Variants in NGFR observed in about 807,000 individuals in gnomAD.
NGFR encodes nerve growth factor receptor, also known as tumor necrosis factor receptor superfamily member 16.
In NGFR, 30 loss-of-function variants were observed where a neutral mutation model predicts 43.2. The ratio of observed to expected loss-of-function variants is 0.69; its 90% confidence interval spans 0.52 to 0.94. NGFR has a LOEUF of 0.94. Among genes scored for constraint, NGFR ranks in the 40% least tolerant of loss-of-function variants. NGFR has a pLI of 0.00. For synonymous variants in NGFR, 246 were observed against 259.6 expected (o/e 0.95, Z 0.50); for missense variants, 529 against 602.5 (o/e 0.88, Z 1.28).
At position 49,514,701 on chromosome 17, in the gene NGFR, C is replaced by A. The variant is rs1486314260; in HGVS notation, c.*1692C>A. 6.6e-6 allele frequency: 1 copy of A among 152,252 alleles called. No individual in the cohort carries two copies. The allele number at this position is 152,252 out of a possible 1,614,324, so 9.4% of individuals were successfully genotyped here. A position where few individuals can be genotyped will look rare whatever the true frequency, so the allele number is the denominator to read the frequency against. On this transcript the variant is annotated 3_prime_UTR_variant, in exon 6 of 6. Transcript: ENST00000172229. The stretch of plus-strand genomic sequence containing the variant: ...GGGGAGGAAACTCACCTGCTGGCCC[C>A]TCACCTGGGCACCTGGGGAGTGGGA...
At chr17:49,500,316 T>G (rs1432437253) in intron 1 of NGFR, among the ~76,000 whole-genome samples, 1 of 152,206 alleles carries the variant, frequency 6.6e-6, no homozygotes, top group Non-Finnish European at 1.5e-5. Flanking sequence ...CCCAGAGTTC[T>G]GGTTAATTGA....
At chr17:49,509,220 A>AT (rs11466151) in intron 3 of NGFR, among the ~76,000 whole-genome samples, 20,543 of 152,168 alleles carry the variant, frequency 0.14, 1,529 homozygotes, top group South Asian at 0.21. Flanking sequence ...CCTTTGAAGC[A>AT]TTTCATCTTG....
At position 49,495,342 on chromosome 17, in the gene NGFR, G is replaced by A; in HGVS notation, c.-76G>A. ...TCCGGCGGGCAGGGGGGGCGCTGGA[G>A]CGCAGCGCAGCGCAGCCCCATCAGT... On this transcript the variant is annotated 5_prime_UTR_variant, in exon 1 of 6. Coordinates refer to ENST00000172229, the MANE Select transcript of NGFR (RefSeq NM_002507.4). This position sits in a 1 kb window ranked among gnomAD's most constrained non-coding sequence, Gnocchi z 6.4. 2.8e-6 allele frequency: 3 copies of A among 1,089,846 alleles called. No homozygotes were observed. Among genetic ancestry groups the A allele is most frequent in the East Asian group, 5.3e-5 (1 of 18,856 alleles). 67.5% of individuals were successfully genotyped at this position (1,089,846 alleles called of 1,614,324 possible).
intron 2 of NGFR, chr17:49,506,050 C>T (rs979785449): frequency 9.6e-6 from 6 of 625,276 alleles, no homozygotes; most frequent in Non-Finnish European, 1.5e-5. Context: ...GCCGGAAAGC[C>T]TCCCGGCCGG....
chr17:49,506,373 A>T lies in NGFR; in HGVS notation c.283A>T (p.Met95Leu), dbSNP rs752683586. 1 of 1,599,368 alleles carries T rather than the reference A, an allele frequency of 6.3e-7. No individual in the cohort carries two copies. Among genetic ancestry groups the T allele is most frequent in the Non-Finnish European group, 8.5e-7 (1 of 1,175,998 alleles). ...PCTECVGLQS[M>L]SAPCVEADDA... ...CACCGAGTGCGTGGGGCTCCAGAGCATGTCGGCGCCGTGCGTGGAGGCCGA... is the reference window on the plus strand; with the variant it reads ...CACCGAGTGCGTGGGGCTCCAGAGCTTGTCGGCGCCGTGCGTGGAGGCCGA... The change falls in exon 3 of 6, where the codon ATG becomes TTG. Residue 95 changes from methionine (M) to leucine (L), a missense_variant. Transcript: ENST00000172229.
intron 3 of NGFR, among the ~76,000 whole-genome samples, chr17:49,507,104 A>G (rs1485647554): frequency 6.6e-6 from 1 of 152,156 alleles, no homozygotes; most frequent in East Asian, 1.9e-4. Context: ...GAGGACCCTC[A>G]GGAGCTGGGA....
Position 49,512,160 on chromosome 17 carries a change from C to T in NGFR, c.982+108C>T. On this transcript the variant is annotated intron_variant, in intron 5 of 5. Coordinates refer to ENST00000172229, the MANE Select transcript of NGFR (RefSeq NM_002507.4). The surrounding 1 kb of genome is among the most constrained non-coding windows in gnomAD (Gnocchi z 5.2). ...TGTCGGGGGGGCGGCAGGGCTGGCT[C>T]AGCGGTGCCCCTGTAGATGGATGGA... 7.3e-7 allele frequency: 1 copy of T among 1,363,876 alleles called. No individual in the cohort carries two copies. Among genetic ancestry groups the T allele is most frequent in the Non-Finnish European group, 9.9e-7 (1 of 1,013,524 alleles). 84.5% of individuals were successfully genotyped at this position (1,363,876 alleles called of 1,614,324 possible). A position where few individuals can be genotyped will look rare whatever the true frequency, so the allele number is the denominator to read the frequency against.
rs775307221 is a variant in NGFR, at chr17:49,512,742, G to A, written c.1017G>A (p.Leu339=). The A allele has an allele frequency of 1.6e-5, 26 of 1,611,640 alleles. No individual in the cohort carries two copies. In the South Asian group the frequency reaches 2.9e-4, roughly 18 times the overall value. Residue 339 remains leucine, a synonymous_variant, in exon 6 of 6, where the codon CTG becomes CTA. Transcript: ENST00000172229. The surrounding 1 kb of genome is among the most constrained non-coding windows in gnomAD (Gnocchi z 5.2). ...GTGACGGAGGCCTCTACAGCAGCCTGCCCCCAGCCAAGCGGGAGGAGGTGG... is the reference window on the plus strand; with the variant it reads ...GTGACGGAGGCCTCTACAGCAGCCTACCCCCAGCCAAGCGGGAGGAGGTGG... ...LKGDGGLYSS[L]PPAKREEVEK...
rs148524226 is a variant in NGFR at position 49,511,932 on chromosome 17, C to T, written c.862C>T (p.Arg288Trp). The T allele has an allele frequency of 4.3e-5, 70 of 1,612,400 alleles. No homozygotes were observed. Among genetic ancestry groups the T allele is most frequent in the Non-Finnish European group, 5.3e-5 (63 of 1,179,354 alleles). The change falls in exon 5 of 6, where the codon CGG becomes TGG. Residue 288 changes from arginine (R) to tryptophan (W), a missense_variant. Coordinates refer to ENST00000172229, the MANE Select transcript of NGFR (RefSeq NM_002507.4). ...GCAGAACAAGCAAGGAGCCAACAGC[C>T]GGCCAGTGAACCAGACGCCCCCACC... The part of the protein sequence containing the change: ...CKQNKQGANS[R>W]PVNQTPPPEG...
chr17:49,501,081 A>T (rs2071164619), intron 1 of NGFR, among the ~76,000 whole-genome samples: 4 of 152,206 alleles, frequency 2.6e-5, no homozygotes, highest in South Asian at 2.1e-4. Context: ...AGTTTTTTTT[A>T]AAGGAACAGA....
intron 1 of NGFR, 45 bp from the exon 2 acceptor site, chr17:49,502,018 C>CCCCCCCCCCAAA: frequency 7.6e-7 from 1 of 1,320,362 alleles, no homozygotes; most frequent in Non-Finnish European, 1.0e-6. Flanking sequence ...CAACCCACCC[C>CCCCCCCCCCAAA]AGCTTTCTCT....
Position 49,506,351 on chromosome 17 carries a change from C to A in NGFR, c.261C>A (p.Thr87=). 1 of 1,592,668 alleles carries A rather than the reference C, an allele frequency of 6.3e-7. No homozygotes were observed. The highest frequency in any genetic ancestry group is 8.5e-7 in the Non-Finnish European group (1 of 1,171,882). Residue 87 remains threonine (T), a synonymous_variant, in exon 3 of 6, where the codon ACC becomes ACA. Transcript: ENST00000172229. ...CGACCGAGCCGTGCAAGCCGTGCAC[C>A]GAGTGCGTGGGGCTCCAGAGCATGT... The part of the protein sequence containing the change: ...VSATEPCKPC[T]ECVGLQSMSA...
At chr17:49,505,414 C>T (rs1169077407) in intron 2 of NGFR, among the ~76,000 whole-genome samples, 1 of 152,218 alleles carries the variant, frequency 6.6e-6, no homozygotes, top group Non-Finnish European at 1.5e-5. Context: ...GGCCCTGTTC[C>T]TTCCCCTCCC....
At chr17:49,499,362 G>C (rs1478581796) in intron 1 of NGFR, among the ~76,000 whole-genome samples, 1 of 152,126 alleles carries the variant, frequency 6.6e-6, no homozygotes, top group Non-Finnish European at 1.5e-5. Context: ...CTGGAGGACA[G>C]AAAAGAGGGG....
At chr17:49,501,961 A>G in intron 1 of NGFR, 102 bp from the exon 2 acceptor site, 1 of 1,233,350 alleles carries the variant, frequency 8.1e-7, no homozygotes, top group Non-Finnish European at 1.1e-6. Flanking sequence ...TGGTTCTAAT[A>G]GAAGGCAGTG....
chr17:49,506,684 G>T, intron 3 of NGFR, 26 bp downstream of exon 3: 2 of 1,133,714 alleles, frequency 1.8e-6, no homozygotes, highest in South Asian at 1.9e-5. Flanking sequence ...GGGGCGGGGG[G>T]AGTGGGGGTG....
At position 49,512,731 on chromosome 17, in the gene NGFR, T is replaced by C. The variant is rs2143450250; in HGVS notation, c.1006T>C (p.Tyr336His). 6.2e-7 allele frequency: 1 copy of C among 1,609,634 alleles called. No homozygotes were observed. Among genetic ancestry groups the C allele is most frequent in the East Asian group, 2.2e-5 (1 of 44,852 alleles). Residue 336 changes from tyrosine (Y) to histidine (H), a missense_variant, in exon 6 of 6, where the codon TAC (tyrosine) becomes CAC (histidine). Transcript: ENST00000172229. The surrounding 1 kb of genome is among the most constrained non-coding windows in gnomAD (Gnocchi z 5.2). The stretch of plus-strand genomic sequence containing the variant: ...AGCCCTCAAGGGTGACGGAGGCCTC[T>C]ACAGCAGCCTGCCCCCAGCCAAGCG... ...GQALKGDGGL[Y>H]SSLPPAKREE...
chr17:49,497,984 C>T (rs1055297123), intron 1 of NGFR, among the ~76,000 whole-genome samples: 2 of 152,232 alleles, frequency 1.3e-5, no homozygotes, highest in African/African-American at 4.8e-5. Context: ...AAGTGCCTTG[C>T]ACTTCCCTGG....
At chr17:49,502,803 C>A (rs1455748246) in intron 2 of NGFR, among the ~76,000 whole-genome samples, 1 of 147,210 alleles carries the variant, frequency 6.8e-6, no homozygotes, top group African/African-American at 2.5e-5. Flanking sequence ...GTGCCCATTC[C>A]TGCCTGGGAT....
Sources: allele counts gnomAD v4.1 joint callset (sites outside exome capture counted in the v4.1 genomes callset), GRCh38; gene constraint gnomAD v4.1.1; non-coding constraint Gnocchi (gnomAD v3.1); transcripts MANE v1.5; gene names NCBI Gene and HGNC (gene_info 2026-07-23, HGNC 2026-07-21).